MAK: variants seen among roughly 807,000 people sequenced by gnomAD.
MAK encodes serine/threonine-protein kinase MAK.
A neutral mutation model predicts 82.6 loss-of-function variants in MAK; 65 were observed. That is an observed-to-expected ratio of 0.79 (90% CI 0.64 to 0.97). The LOEUF (loss-of-function observed/expected upper bound fraction) is 0.97. Among genes scored for constraint, MAK ranks in the 50% least tolerant of loss-of-function variants. The pLI is 0.00. For missense variants in MAK, 703 were observed against 780.2 expected, an observed-to-expected ratio of 0.90 and a Z score of 1.18; for synonymous variants, 250 against 274.2, an observed-to-expected ratio of 0.91 and a Z score of 0.87.
rs542294827 is a variant in MAK, at chr6:10,811,743, G to A, written c.358+1901C>T. 3.3e-5 allele frequency among the ~76,000 whole-genome samples: 5 copies of A among 152,156 alleles called. No individual in the cohort carries two copies. In the East Asian group the frequency reaches 9.7e-4, roughly 29 times the overall value. The stretch of plus-strand genomic sequence containing the variant: ...AAGACCCCAATAGTTTACATATGGT[G>A]CAAATAAAAAGTTTTTTTTTAATGT... On this transcript the variant is annotated intron_variant, in intron 5 of 14. Coordinates refer to ENST00000354489, the MANE Select transcript of MAK (RefSeq NM_001242957.3).
chr6:10,834,616 T>C (rs1779035982), intron 1 of MAK, among the ~76,000 whole-genome samples: 1 of 152,164 alleles, frequency 6.6e-6, no homozygotes, highest in Admixed American at 6.5e-5. Flanking sequence ...GCTGACTACC[T>C]GGAAAGTGAA....
Position 10,796,298 on chromosome 6 carries a change from G to A in MAK, c.843C>T (p.His281=), listed in dbSNP as rs55950618. 0.023 allele frequency: 37,283 copies of A among 1,612,264 alleles called. 516 individuals are homozygous for A. The highest frequency in any genetic ancestry group is 0.026 in the African/African-American group (1,966 of 74,996). The stretch of plus-strand genomic sequence containing the variant: ...ATACCTGACCAACTTGAAAATATGG[G>A]TGTTTCAATGCCTATAAAAACACAG... The part of the protein sequence containing the change: ...KRPTASQALK[H]PYFQVGQVLG... The change falls in exon 9 of 15, where the codon CAC becomes CAT. Residue 281 remains histidine (H), a synonymous_variant. Transcript: ENST00000354489.
rs73721391 is a variant in MAK at position 10,795,847 on chromosome 6, A to G, written c.1143+151T>C. 1,205 of 781,058 alleles carry G rather than the reference A, an allele frequency of 1.5e-3. 8 individuals are homozygous for G. In the African/African-American group the frequency reaches 0.019, roughly 12 times the overall value. The allele number at this position is 781,058 out of a possible 1,614,324, so 48.4% of individuals were successfully genotyped here. The stretch of plus-strand genomic sequence containing the variant: ...ATAAACCATATTAGAATTTTAAGTG[A>G]TCTCATGTCAAGCTCCAACCAGAGG... On this transcript the variant is annotated intron_variant, in intron 9 of 14. Transcript: ENST00000354489.
At chr6:10,834,562 C>T (rs545901214) in intron 1 of MAK, among the ~76,000 whole-genome samples, 46 of 152,184 alleles carry the variant, frequency 3.0e-4, no homozygotes, top group Non-Finnish European at 5.4e-4. Flanking sequence ...CAACCTCCAC[C>T]TTAAGATTCC....
chr6:10,812,764 C>A (rs1274605931), intron 5 of MAK, among the ~76,000 whole-genome samples: 1 of 151,660 alleles, frequency 6.6e-6, no homozygotes, highest in Admixed American at 6.6e-5. Flanking sequence ...TATAGAAATT[C>A]TATTTTTTTA....
At chr6:10,784,873 C>T (rs1774387466) in intron 10 of MAK, 5 of 535,254 alleles carry the variant, frequency 9.3e-6, no homozygotes, top group South Asian at 3.1e-5. Flanking sequence ...GGATTCATAA[C>T]GTGGGAAACT....
At chr6:10,804,040 G>A (rs1776220810) in intron 6 of MAK, 149 bp from the exon 7 acceptor site, 1 of 704,354 alleles carries the variant, frequency 1.4e-6, no homozygotes, top group Non-Finnish European at 2.5e-6. Context: ...TTTGTACAAT[G>A]TTCTGGGGAT....
At chr6:10,816,936 AT>A (rs1428441106) in intron 4 of MAK, among the ~76,000 whole-genome samples, 1 of 152,208 alleles carries the variant, frequency 6.6e-6, no homozygotes, top group Non-Finnish European at 1.5e-5. Context: ...GCATGTCTAT[AT>A]AGAAGGCCTA....
chr6:10,797,345 A>G (rs1581700562), intron 8 of MAK, among the ~76,000 whole-genome samples: 1 of 152,206 alleles, frequency 6.6e-6, no homozygotes, highest in East Asian at 1.9e-4. Flanking sequence ...TGCTTCCCAA[A>G]TGGAGGCAAG....
chr6:10,773,648 C>A (rs1472439536), intron 12 of MAK, among the ~76,000 whole-genome samples: 2 of 150,800 alleles, frequency 1.3e-5, no homozygotes, highest in African/African-American at 4.9e-5. Context: ...TTATTTCTGA[C>A]ATATTGTAAC....
chr6:10,804,942 T>C (rs1776292905), intron 6 of MAK, among the ~76,000 whole-genome samples: 1 of 152,154 alleles, frequency 6.6e-6, no homozygotes, highest in Non-Finnish European at 1.5e-5. Context: ...TGTGTGGGGT[T>C]TGCACATTCT....
intron 12 of MAK, among the ~76,000 whole-genome samples, chr6:10,773,531 T>C (rs1275084953): frequency 2.0e-5 from 3 of 152,156 alleles, no homozygotes; most frequent in Non-Finnish European, 2.9e-5. Flanking sequence ...TTGTCAAAGT[T>C]TTTTGATCCA....
intron 4 of MAK, among the ~76,000 whole-genome samples, chr6:10,815,302 T>C (rs1478102660): frequency 6.6e-6 from 1 of 152,040 alleles, no homozygotes; most frequent in Non-Finnish European, 1.5e-5. Context: ...TTTTTAAAAT[T>C]TTACCTTTTT....
At chr6:10,823,326 C>A (rs1321051005) in intron 2 of MAK, among the ~76,000 whole-genome samples, 5 of 152,182 alleles carry the variant, frequency 3.3e-5, no homozygotes. Context: ...TTGTTAAATT[C>A]CATAGCTGAA....
At chr6:10,807,411 C>T (rs565145616) in intron 6 of MAK, among the ~76,000 whole-genome samples, 43 of 142,716 alleles carry the variant, frequency 3.0e-4, no homozygotes, top group African/African-American at 1.0e-3. Flanking sequence ...GGCGCAATCT[C>T]GGCTCACTGC....
At chr6:10,830,257 C>G (rs1778704824) in intron 2 of MAK, among the ~76,000 whole-genome samples, 1 of 151,402 alleles carries the variant, frequency 6.6e-6, no homozygotes, top group African/African-American at 2.4e-5. Flanking sequence ...CTTCCACCTC[C>G]TGGGTTCAAG....
chr6:10,825,111 C>T (rs539682093), intron 2 of MAK, among the ~76,000 whole-genome samples: 14 of 152,262 alleles, frequency 9.2e-5, no homozygotes, highest in African/African-American at 1.2e-4. Context: ...AGAGTTTGCT[C>T]GTATTATTCT....
At chr6:10,769,367 G>A (rs989302653) in intron 14 of MAK, among the ~76,000 whole-genome samples, 1 of 152,150 alleles carries the variant, frequency 6.6e-6, no homozygotes, top group Non-Finnish European at 1.5e-5. Flanking sequence ...AAATCTGATT[G>A]GCTTAAGTAC....
chr6:10,826,144 C>G (rs752027640), intron 2 of MAK, among the ~76,000 whole-genome samples: 13 of 152,164 alleles, frequency 8.5e-5, no homozygotes, highest in Non-Finnish European at 1.6e-4. Flanking sequence ...GCCACCTACA[C>G]TTCTTTCAGT....
Sources: gnomAD v4.1 joint callset for allele counts (sites outside exome capture counted in the v4.1 genomes callset) on GRCh38, gnomAD v4.1.1 for gene constraint, MANE v1.5 for transcripts, NCBI Gene and HGNC (gene_info 2026-07-23, HGNC 2026-07-21) for gene names.